TACC3: variants seen among roughly 807,000 people sequenced by gnomAD.
The protein encoded by TACC3 is transforming acidic coiled-coil containing protein 3.
TACC3 carries 52 observed loss-of-function variants against 86.0 expected under a neutral mutation model. That is an observed-to-expected ratio of 0.60 (90% CI 0.48 to 0.76). TACC3 has a LOEUF of 0.76. Among genes scored for constraint, TACC3 ranks in the 30% least tolerant of loss-of-function variants. TACC3 has a pLI of 0.00. For synonymous variants in TACC3, 512 were observed against 430.0 expected (o/e 1.19, Z -2.36); for missense variants, 1,120 against 1,070.4 (o/e 1.05, Z -0.65).
Position 1,723,490 on chromosome 4 carries a change from G to A in TACC3, c.69G>A (p.Leu23=), listed in dbSNP as rs1021398527. ...NEKNTENCDF[L]FSPPEVTGRS... ...AAAATACAGAAAATTGCGACTTCCTGTTTTCGCCACCAGAAGTTACCGGAA... is the reference window on the plus strand; with the variant it reads ...AAAATACAGAAAATTGCGACTTCCTATTTTCGCCACCAGAAGTTACCGGAA... Residue 23 remains leucine, a synonymous_variant, in exon 2 of 16, where the codon CTG becomes CTA. Transcript: ENST00000313288. The A allele has an allele frequency of 1.2e-6, 2 of 1,613,780 alleles. No individual in the cohort carries two copies. Among genetic ancestry groups the A allele is most frequent in the Admixed American group, 3.3e-5 (2 of 60,020 alleles).
chr4:1,736,593 A>G (rs1203329507), intron 8 of TACC3, among the ~76,000 whole-genome samples: 1 of 151,984 alleles, frequency 6.6e-6, no homozygotes, highest in Non-Finnish European at 1.5e-5. Flanking sequence ...GAGTAGTGTG[A>G]CAGAGGCTGT....
intron 3 of TACC3, among the ~76,000 whole-genome samples, chr4:1,724,702 A>C (rs555574291): frequency 2.6e-5 from 4 of 151,968 alleles, no homozygotes; most frequent in Non-Finnish European, 5.9e-5. Context: ...CCTCATCTGC[A>C]TCCAGGGTGG....
Position 1,732,802 on chromosome 4 carries a change from C to G in TACC3, c.1591+1501C>G, listed in dbSNP as rs1577215265. Among the ~76,000 whole-genome samples the G allele has an allele frequency of 2.6e-5, 4 of 152,326 alleles. No homozygotes were observed. The East Asian group carries it at 7.7e-4, about 29-fold the overall frequency. On this transcript the variant is annotated intron_variant, in intron 6 of 15. Coordinates refer to ENST00000313288, the MANE Select transcript of TACC3 (RefSeq NM_006342.3). ...CTGGAGCAGGTGTGGGTGCTCCTGT[C>G]CTTGCCGTGGCAGCTTGGCTTCACA...
At chr4:1,720,862 A>C, upstream of TACC3, 1 of 1,553,032 alleles carries the variant, frequency 6.4e-7, no homozygotes, top group East Asian at 2.5e-5. The surrounding 1 kb of genome is among the most constrained non-coding windows in gnomAD (Gnocchi z 4.4). Context: ...GAAGCTGTCG[A>C]GCTAGGCCCC....
In TACC3 at chr4:1,728,703, G is replaced by A. The variant is rs1273766599; in HGVS notation, c.1301G>A (p.Ser434Asn). The change falls in exon 4 of 16, where the codon AGC (serine) becomes AAC (asparagine). Residue 434 changes from serine to asparagine, a missense_variant. Transcript: ENST00000313288. Reference sequence around the variant, plus strand: ...TGCAGTGAGGCCCAGCCCCCAGAAAGCCCTGAGACCAGGCTGGGCCAGCCA... The same window carrying A: ...TGCAGTGAGGCCCAGCCCCCAGAAAACCCTGAGACCAGGCTGGGCCAGCCA... The part of the protein sequence containing the change: ...SGCSEAQPPE[S>N]PETRLGQPAA... 1.9e-6 allele frequency: 3 copies of A among 1,613,488 alleles called. No homozygotes were observed. In the Admixed American group the frequency reaches 5.0e-5, roughly 27 times the overall value.
At chr4:1,727,055 C>A (rs1448801876) in intron 3 of TACC3, among the ~76,000 whole-genome samples, 10 of 151,912 alleles carry the variant, frequency 6.6e-5, no homozygotes, top group Admixed American at 6.5e-4. Context: ...CGCTTGAACC[C>A]CAGAGGTGGA....
At chr4:1,739,494 T>G (rs1718457821) in intron 10 of TACC3, 2 of 590,392 alleles carry the variant, frequency 3.4e-6, no homozygotes, top group Non-Finnish European at 6.0e-6. Context: ...GCCTCATGCC[T>G]CCTGCCCCCT....
rs754851284 is a variant in TACC3 at position 1,728,715 on chromosome 4, G to A, written c.1313G>A (p.Arg438Lys). ...EAQPPESPET[R>K]LGQPAAEQLH... ...CAGCCCCCAGAAAGCCCTGAGACCA[G>A]GCTGGGCCAGCCAGCGGCTGAACAG... is the stretch of plus-strand genomic sequence containing the variant. The change falls in exon 4 of 16, where the codon AGG (arginine) becomes AAG (lysine). Residue 438 changes from arginine to lysine, a missense_variant. Arg to Lys is a conservative substitution (Grantham distance 26, BLOSUM62 2). Coordinates refer to ENST00000313288, the MANE Select transcript of TACC3 (RefSeq NM_006342.3). 2 of 1,613,490 alleles carry A rather than the reference G, an allele frequency of 1.2e-6. No homozygotes were observed. Among genetic ancestry groups the A allele is most frequent in the Non-Finnish European group, 1.7e-6 (2 of 1,180,018 alleles).
intron 3 of TACC3, among the ~76,000 whole-genome samples, chr4:1,724,379 CTTTTT>C (rs35896374): frequency 2.8e-5 from 3 of 108,384 alleles, no homozygotes; most frequent in East Asian, 2.4e-4. Flanking sequence ...TCATACTTCA[CTTTTT>C]TTTTTTTTTT....
At chr4:1,729,616 C>G (rs1421004068) in intron 4 of TACC3, among the ~76,000 whole-genome samples, 5 of 152,178 alleles carry the variant, frequency 3.3e-5, no homozygotes, top group African/African-American at 1.2e-4. Flanking sequence ...AGCACTTTGA[C>G]TAATTCTGCT....
chr4:1,735,870 T>A lies in TACC3; in HGVS notation c.1748+36T>A. On this transcript the variant is annotated intron_variant, in intron 8 of 15. Transcript: ENST00000313288. The surrounding 1 kb of genome is among the most constrained non-coding windows in gnomAD (Gnocchi z 4.2). Reference sequence around the variant, plus strand: ...CGGCCCTCCCTCATGCATGAAGCCTTGAGTGTGGGAAGACTGGAGGCTGTT... The same window carrying A: ...CGGCCCTCCCTCATGCATGAAGCCTAGAGTGTGGGAAGACTGGAGGCTGTT... 7.0e-7 allele frequency: 1 copy of A among 1,427,418 alleles called. No individual in the cohort carries two copies. The highest frequency in any genetic ancestry group is 9.7e-7 in the Non-Finnish European group (1 of 1,034,246). The allele number at this position is 1,427,418 out of a possible 1,614,324, so 88.4% of individuals were successfully genotyped here.
intron 12 of TACC3, chr4:1,740,373 C>T (rs1718527577): frequency 2.5e-6 from 1 of 392,760 alleles, no homozygotes; most frequent in Non-Finnish European, 4.7e-6. Context: ...GACGGGAACA[C>T]CAGGCCTCAT....
chr4:1,725,108 T>C (rs1717622298), intron 3 of TACC3, among the ~76,000 whole-genome samples: 1 of 151,946 alleles, frequency 6.6e-6, no homozygotes, highest in African/African-American at 2.4e-5. Context: ...TTTTGTGTAT[T>C]TTTAGTAAAT....
At chr4:1,738,619 C>A (rs189283982) in intron 10 of TACC3, among the ~76,000 whole-genome samples, 151 of 152,348 alleles carry the variant, frequency 9.9e-4, no homozygotes, top group Middle Eastern at 3.4e-3. Context: ...TTTTTACTTT[C>A]TGCAGAAAGG....
At chr4:1,737,886 C>T (rs1297185784) in intron 10 of TACC3, 184 bp downstream of exon 10, 1 of 701,596 alleles carries the variant, frequency 1.4e-6, no homozygotes, top group African/African-American at 1.8e-5. Flanking sequence ...CGCTGAGGGT[C>T]CAGGCTTCCA....
At chr4:1,744,458 A>G in intron 13 of TACC3, 60 bp from the exon 14 acceptor site, 1 of 1,505,394 alleles carries the variant, frequency 6.6e-7, no homozygotes, top group Non-Finnish European at 9.1e-7. Flanking sequence ...CCAGACACCA[A>G]GCCTGGGTGC....
chr4:1,735,936 G>T lies in TACC3; in HGVS notation c.1748+102G>T. The T allele has an allele frequency of 1.2e-6, 1 of 829,272 alleles. No individual in the cohort carries two copies. The highest frequency in any genetic ancestry group is 1.9e-6 in the Non-Finnish European group (1 of 530,752). The allele number at this position is 829,272 out of a possible 1,614,324, so 51.4% of individuals were successfully genotyped here. The stretch of plus-strand genomic sequence containing the variant: ...TGCACAGAGGCTTCTAGACCGGGGG[G>T]AGATGATCAGAACTGGAAAGGAGCT... On this transcript the variant is annotated intron_variant, in intron 8 of 15. Transcript: ENST00000313288. The surrounding 1 kb of genome is among the most constrained non-coding windows in gnomAD (Gnocchi z 4.2).
intron 4 of TACC3, chr4:1,730,354 G>A (rs997038395): frequency 8.9e-6 from 2 of 223,948 alleles, no homozygotes; most frequent in Admixed American, 1.0e-4. Flanking sequence ...GGTTATTATT[G>A]TAGAACAAAG....
chr4:1,730,834 C>T (rs1486946321), intron 4 of TACC3, 53 bp from the exon 5 acceptor site: 55 of 1,575,570 alleles, frequency 3.5e-5, no homozygotes, highest in Middle Eastern at 1.9e-4. Flanking sequence ...GAGCAGGGGA[C>T]GCCGGGGTTA....
Sources: gnomAD v4.1 joint callset for allele counts (sites outside exome capture counted in the v4.1 genomes callset) on GRCh38, gnomAD v4.1.1 for gene constraint, Gnocchi (gnomAD v3.1) non-coding constraint, MANE v1.5 for transcripts, NCBI Gene and HGNC (gene_info 2026-07-23, HGNC 2026-07-21) for gene names.